Variants in VWA3B observed in about 807,000 individuals in gnomAD.
VWA3B encodes the protein von Willebrand factor A domain-containing protein 3B.
A neutral mutation model predicts 158.3 loss-of-function variants in VWA3B; 138 were observed. The ratio of observed to expected loss-of-function variants is 0.87; its 90% confidence interval spans 0.76 to 1.00. The LOEUF (loss-of-function observed/expected upper bound fraction) is 1.00. VWA3B is among the 50% of genes least tolerant of loss of function. The pLI, the probability that VWA3B is intolerant of heterozygous loss-of-function variation, is 0.00. For synonymous variants in VWA3B, 596 were observed against 587.3 expected (o/e 1.01, Z -0.21); for missense variants, 1,555 against 1,565.1 (o/e 0.99, Z 0.11).
intron 7 of VWA3B, among the ~76,000 whole-genome samples, chr2:98,139,088 G>A (rs1044199325): frequency 3.9e-5 from 6 of 152,192 alleles, no homozygotes; most frequent in African/African-American, 9.6e-5. Flanking sequence ...GGCAGGCCCC[G>A]CACTCGGAGC....
chr2:98,278,080 T>C (rs1688636576), intron 22 of VWA3B, among the ~76,000 whole-genome samples: 1 of 152,220 alleles, frequency 6.6e-6, no homozygotes, highest in Admixed American at 6.5e-5. Context: ...TCAGGTCTGT[T>C]GGGAAGACTA....
At chr2:98,322,169 G>A in the VWA3B span, among the ~76,000 whole-genome samples, 1 of 152,050 alleles carries the variant, frequency 6.6e-6, no homozygotes, top group Admixed American at 6.6e-5. Context: ...AATAAGACCT[G>A]GATAAATTTT....
At chr2:98,113,450 A>G (rs1395816010) in intron 2 of VWA3B, among the ~76,000 whole-genome samples, 2 of 152,164 alleles carry the variant, frequency 1.3e-5, no homozygotes, top group Non-Finnish European at 2.9e-5. Context: ...AAAAATCTGC[A>G]TATAAGTAGA....
At chr2:98,260,604 C>T (rs1325363032) in intron 21 of VWA3B, among the ~76,000 whole-genome samples, 1 of 151,636 alleles carries the variant, frequency 6.6e-6, no homozygotes, top group Admixed American at 6.6e-5. Flanking sequence ...TGGATTTTGG[C>T]TTCCATAGGG....
chr2:98,128,377 C>G lies in VWA3B; in HGVS notation c.841C>G (p.Leu281Val), dbSNP rs765559899. The part of the protein sequence containing the change: ...NARGEGTIAF[L>V]KDLSAKTHSR... ...CAGAGGAGAAGGCACTATAGCTTTT[C>G]TAAAGGATCTGAGTGCCAAGACCCA... Residue 281 changes from leucine to valine, a missense_variant, in exon 6 of 28, where the codon CTA (leucine) becomes GTA (valine). Transcript: ENST00000477737. 1 of 1,613,740 alleles carries G rather than the reference C, an allele frequency of 6.2e-7. No homozygotes were observed. The highest frequency in any genetic ancestry group is 1.3e-5 in the African/African-American group (1 of 74,890).
At chr2:98,221,509 C>G (rs1338614000) in intron 14 of VWA3B, among the ~76,000 whole-genome samples, 2 of 152,152 alleles carry the variant, frequency 1.3e-5, no homozygotes, top group African/African-American at 4.8e-5. Context: ...GTGCTCTGAT[C>G]CCCCTGCCGA....
Position 98,181,363 on chromosome 2 carries a change from C to T in VWA3B, c.1311+151C>T, listed in dbSNP as rs553996251. ...AAGAACAGGGTTCCTCTGTTTCCCTCCTCACCCTTCTCCAAAGGGCATCTG... is the reference window on the plus strand; with the variant it reads ...AAGAACAGGGTTCCTCTGTTTCCCTTCTCACCCTTCTCCAAAGGGCATCTG... On this transcript the variant is annotated intron_variant, in intron 9 of 27. Transcript: ENST00000477737. 1.4e-4 allele frequency: 112 copies of T among 796,626 alleles called. No homozygotes were observed. The African/African-American group carries it at 1.9e-3, about 14-fold the overall frequency. 49.3% of individuals were successfully genotyped at this position (796,626 alleles called of 1,614,324 possible). A position where few individuals can be genotyped will look rare whatever the true frequency, so the allele number is the denominator to read the frequency against.
intron 5 of VWA3B, among the ~76,000 whole-genome samples, chr2:98,123,960 C>A (rs921869267): frequency 1.3e-5 from 2 of 152,232 alleles, no homozygotes; most frequent in Non-Finnish European, 2.9e-5. Context: ...TTCTTAGCCT[C>A]TCTTCTATCC....
At chr2:98,187,664 CTG>C (rs3066239) in intron 9 of VWA3B, among the ~76,000 whole-genome samples, 18,547 of 141,612 alleles carry the variant, frequency 0.13, 1,508 homozygotes, top group African/African-American at 0.25. Flanking sequence ...GTCTCTGTGT[CTG>C]TGTGTGTGTG....
intron 2 of VWA3B, among the ~76,000 whole-genome samples, chr2:98,104,415 CAG>C (rs1046424843): frequency 6.6e-6 from 1 of 152,150 alleles, no homozygotes; most frequent in African/African-American, 2.4e-5. Flanking sequence ...AGGCAAAAGA[CAG>C]AGCGGAAGAG....
chr2:98,301,147 G>A (rs544152807), intron 25 of VWA3B, among the ~76,000 whole-genome samples: 97 of 152,010 alleles, frequency 6.4e-4, no homozygotes, highest in Middle Eastern at 3.4e-3. Flanking sequence ...AAAATGAGCC[G>A]GGCATGGTAG....
In VWA3B at chr2:98,239,541, A is replaced by T. The variant is rs530660744; in HGVS notation, c.2673+2811A>T. The stretch of plus-strand genomic sequence containing the variant: ...TTGTTGGGAGATGTTTTTTTTTTTT[A>T]AATTTATGTAGCTTTTAATTTTTAT... On this transcript the variant is annotated intron_variant, in intron 19 of 27. Coordinates refer to ENST00000477737, the MANE Select transcript of VWA3B (RefSeq NM_144992.5). Among the ~76,000 whole-genome samples, 1,088 of 149,110 alleles carry T rather than the reference A, an allele frequency of 7.3e-3. 7 individuals carry two copies. The highest frequency in any genetic ancestry group is 0.023 in the African/African-American group (941 of 40,618).
Position 98,298,000 on chromosome 2 carries a change from T to G in VWA3B, c.3251T>G (p.Val1084Gly). The G allele has an allele frequency of 6.3e-7, 1 of 1,583,212 alleles. No individual in the cohort carries two copies. The highest frequency in any genetic ancestry group is 1.7e-4 in the Middle Eastern group (1 of 5,842). The stretch of plus-strand genomic sequence containing the variant: ...GTGTCCACCTCCTTCATCACGCCTG[T>G]GGGGGGCGCCATGCCCTGCCCGCTG... Reference protein sequence around the residue: ...KVVSTSFITPVGGAMPCPLLQ... With the variant: ...KVVSTSFITPGGGAMPCPLLQ... The change falls in exon 24 of 28, where the codon GTG becomes GGG. Residue 1084 changes from valine (V) to glycine (G), a missense_variant. Val to Gly is a moderately radical substitution (Grantham distance 109). Coordinates refer to ENST00000477737, the MANE Select transcript of VWA3B (RefSeq NM_144992.5).
intron 19 of VWA3B, among the ~76,000 whole-genome samples, chr2:98,240,307 TA>T (rs765283964): frequency 6.6e-6 from 1 of 152,218 alleles, no homozygotes; most frequent in African/African-American, 2.4e-5. Flanking sequence ...TCCATACAGG[TA>T]GATGGTCTCA....
At chr2:98,200,322 C>G (rs7574415) in intron 12 of VWA3B, among the ~76,000 whole-genome samples, 1,692 of 152,204 alleles carry the variant, frequency 0.011, 25 homozygotes, top group African/African-American at 0.039. Context: ...GCAGGCAGAT[C>G]ATGAGGTCAG....
intron 9 of VWA3B, among the ~76,000 whole-genome samples, chr2:98,187,639 T>C (rs888653449): frequency 6.8e-5 from 10 of 147,998 alleles, no homozygotes; most frequent in Admixed American, 2.8e-4. Flanking sequence ...TCTCTCTCTC[T>C]CCCTCTCCCT....
chr2:98,301,311 A>C lies in VWA3B; in HGVS notation c.3420+1095A>C, dbSNP rs532543356. ...TCAAAAAAAAACAAAAAAACAAAAC[A>C]AAAAAAAAAACCTGTGTTTGAATTA... On this transcript the variant is annotated intron_variant, in intron 25 of 27. Transcript: ENST00000477737. Among the ~76,000 whole-genome samples the C allele has an allele frequency of 4.9e-5, 7 of 142,698 alleles. No individual in the cohort carries two copies. In the East Asian group the frequency reaches 8.0e-4, roughly 16 times the overall value. 93.6% of individuals were successfully genotyped at this position (142,698 alleles called of 152,430 possible). A position where few individuals can be genotyped will look rare whatever the true frequency, so the allele number is the denominator to read the frequency against.
At chr2:98,191,640 G>A (rs774679482) in intron 10 of VWA3B, among the ~76,000 whole-genome samples, 3 of 152,154 alleles carry the variant, frequency 2.0e-5, no homozygotes, top group Non-Finnish European at 2.9e-5. Context: ...TTCCTACTCT[G>A]GCTGGTAGAT....
At position 98,154,115 on chromosome 2, in the gene VWA3B, G is replaced by A. The variant is rs547339993; in HGVS notation, c.989-8736G>A. Among the ~76,000 whole-genome samples, 319 of 152,272 alleles carry A rather than the reference G, an allele frequency of 2.1e-3. 1 individual carries two copies. Among genetic ancestry groups the A allele is most frequent in the African/African-American group, 7.4e-3 (307 of 41,546 alleles). On this transcript the variant is annotated intron_variant, in intron 7 of 27. Transcript: ENST00000477737. ...GACCTCAGGTGATCCACCAGCCTCGGCCTCCCAAAGTGCTGGGGTTACAGG... is the reference window on the plus strand; with the variant it reads ...GACCTCAGGTGATCCACCAGCCTCGACCTCCCAAAGTGCTGGGGTTACAGG...
Sources: gnomAD v4.1 joint callset for allele counts (sites outside exome capture counted in the v4.1 genomes callset) on GRCh38, gnomAD v4.1.1 for gene constraint, MANE v1.5 for transcripts, NCBI Gene and HGNC (gene_info 2026-07-23, HGNC 2026-07-21) for gene names.